LYG2: variants seen among roughly 807,000 people sequenced by gnomAD.
LYG2 encodes the protein lysozyme g2, also known as lysozyme g-like protein 2.
In LYG2, 25 loss-of-function variants were observed where a neutral mutation model predicts 22.4. That is an observed-to-expected ratio of 1.12 (90% CI 0.81 to 1.56). The LOEUF (loss-of-function observed/expected upper bound fraction) is 1.56, where lower values mean the gene tolerates loss of function less well. Ranked by LOEUF, LYG2 falls within the 40% of genes most tolerant of loss-of-function variation. The pLI, the probability that LYG2 is intolerant of heterozygous loss-of-function variation, is 0.00. For missense variants in LYG2, 266 were observed against 269.5 expected (o/e 0.99, Z 0.09); for synonymous variants, 88 against 97.0 (o/e 0.91, Z 0.55).
chr2:99,257,993 C>A (rs2094039419), upstream of LYG2, among the ~76,000 whole-genome samples: 1 of 152,220 alleles, frequency 6.6e-6, no homozygotes, highest in South Asian at 2.1e-4. Context: ...GTGCCCTGAG[C>A]TACCCTAGGT....
intron 5 of LYG2, among the ~76,000 whole-genome samples, chr2:99,244,385 CAAAT>C (rs900710210): frequency 4.6e-5 from 7 of 151,974 alleles, no homozygotes; most frequent in African/African-American, 1.7e-4. Context: ...TGTTTTGAAA[CAAAT>C]AACACCCAAA....
chr2:99,249,906 C>T (rs941389953), intron 3 of LYG2, among the ~76,000 whole-genome samples: 1 of 152,072 alleles, frequency 6.6e-6, no homozygotes, highest in Non-Finnish European at 1.5e-5. Flanking sequence ...AGCCCATCCT[C>T]TACTTAGTAG....
At chr2:99,249,416 T>C (rs1212885926) in intron 3 of LYG2, among the ~76,000 whole-genome samples, 1 of 140,136 alleles carries the variant, frequency 7.1e-6, no homozygotes, top group African/African-American at 2.7e-5. Context: ...CAAGACCCTG[T>C]CTCAAATCTC....
In LYG2 at chr2:99,244,064, A is replaced by G. The variant is rs1436154299; in HGVS notation, c.455T>C (p.Leu152Pro). Residue 152 changes from leucine (L) to proline (P), a missense_variant, in exon 6 of 7, where the codon CTA becomes CCA. Coordinates refer to ENST00000333017, the MANE Select transcript of LYG2 (RefSeq NM_175735.4). ...KEHLSQATGILTERIKAIQKK... is the reference protein window; with the variant it reads ...KEHLSQATGIPTERIKAIQKK... ...CTGGATTGCCTTAATTCTCTCTGTT[A>G]GAATCCCAGTAGCCTGTGAAAGGTG... 1 of 1,614,012 alleles carries G rather than the reference A, an allele frequency of 6.2e-7. No individual in the cohort carries two copies. Among genetic ancestry groups the G allele is most frequent in the African/African-American group, 1.3e-5 (1 of 74,950 alleles).
intron 6 of LYG2, chr2:99,243,503 T>C (rs1337574337): frequency 2.0e-6 from 3 of 1,467,080 alleles, no homozygotes; most frequent in African/African-American, 1.5e-5. Context: ...GATAGATAGA[T>C]AGATAGATAG....
rs749493572 is a variant in LYG2 at position 99,246,784 on chromosome 2, A to C, written c.80T>G (p.Met27Arg). ...CAGGCGTGGATGTAGGTGAGGCTTCATTGAGTGACTGAAGGGGTATGAGCC... is the reference window on the plus strand; with the variant it reads ...CAGGCGTGGATGTAGGTGAGGCTTCCTTGAGTGACTGAAGGGGTATGAGCC... ...SRGSYPFSHS[M>R]KPHLHPRLYH... The change falls in exon 4 of 7, where the codon ATG becomes AGG. Residue 27 changes from methionine (M) to arginine (R), a missense_variant. By Grantham distance (91) the Met-to-Arg change is moderately conservative. Transcript: ENST00000333017. The C allele has an allele frequency of 8.7e-6, 14 of 1,614,102 alleles. No homozygotes were observed. The highest frequency in any genetic ancestry group is 1.2e-5 in the Non-Finnish European group (14 of 1,179,984).
intron 4 of LYG2, among the ~76,000 whole-genome samples, 188 bp downstream of exon 4, chr2:99,246,492 G>A (rs1283291692): frequency 1.3e-5 from 2 of 152,228 alleles, no homozygotes; most frequent in East Asian, 3.8e-4. Flanking sequence ...AGTTTGGAAA[G>A]AATGGGGGTG....
intron 6 of LYG2, among the ~76,000 whole-genome samples, chr2:99,242,975 T>C (rs1278314830): frequency 1.3e-5 from 2 of 152,166 alleles, no homozygotes; most frequent in Non-Finnish European, 2.9e-5. Flanking sequence ...ACCCTAGAAT[T>C]TTATCTCTAG....
rs180911479 is a variant in LYG2, at chr2:99,253,559, C to A, written c.43+659G>T. On this transcript the variant is annotated intron_variant, in intron 3 of 6. Coordinates refer to ENST00000333017, the MANE Select transcript of LYG2 (RefSeq NM_175735.4). ...TTGCTTAGGTCAGAGTTTTCACATT[C>A]TCTTATTCAAGATCCCTTACCAACT... 2.0e-5 allele frequency among the ~76,000 whole-genome samples: 3 copies of A among 152,282 alleles called. No individual in the cohort carries two copies. The East Asian group carries it at 5.8e-4, about 29-fold the overall frequency.
At chr2:99,259,681 A>T (rs991930395), upstream of LYG2, among the ~76,000 whole-genome samples, 40 of 152,340 alleles carry the variant, frequency 2.6e-4, no homozygotes, top group African/African-American at 9.4e-4. Context: ...GTCTTACATA[A>T]CTATAGTACA....
In LYG2 at chr2:99,242,362, GC is replaced by G. The variant is rs1412667321; in HGVS notation, c.*1del. The stretch of plus-strand genomic sequence containing the variant: ...CAACCTGGCCCACCCACAGAGCTTT[GC>G]CTAGAAGCTTTGTCTTTTATAGAAC... On this transcript the variant is annotated 3_prime_UTR_variant, in exon 7 of 7. Coordinates refer to ENST00000333017, the MANE Select transcript of LYG2 (RefSeq NM_175735.4). The G allele has an allele frequency of 2.5e-6, 4 of 1,599,548 alleles. No individual in the cohort carries two copies. The highest frequency in any genetic ancestry group is 3.4e-6 in the Non-Finnish European group (4 of 1,168,238).
At chr2:99,250,656 G>A (rs534661283) in intron 3 of LYG2, among the ~76,000 whole-genome samples, 7 of 152,300 alleles carry the variant, frequency 4.6e-5, no homozygotes, top group South Asian at 2.1e-4. Flanking sequence ...TTACAGGCGT[G>A]AGCCACCACG....
At chr2:99,243,333 G>A in intron 6 of LYG2, 1 of 1,098,912 alleles carries the variant, frequency 9.1e-7, no homozygotes, top group Non-Finnish European at 1.3e-6. Context: ...GGGAGATGCT[G>A]AACTTGAGGG....
intron 2 of LYG2, 119 bp from the exon 3 acceptor site, chr2:99,254,404 G>C (rs2094032326): frequency 4.3e-6 from 3 of 692,168 alleles, no homozygotes; most frequent in Non-Finnish European, 7.3e-6. Flanking sequence ...TCATTTCCCT[G>C]TTTCAAGATA....
At chr2:99,258,302 T>C (rs1477174871), upstream of LYG2, among the ~76,000 whole-genome samples, 3 of 152,220 alleles carry the variant, frequency 2.0e-5, no homozygotes, top group Non-Finnish European at 4.4e-5. Flanking sequence ...AAATTTTATA[T>C]GTAAAAACAT....
At chr2:99,260,252 C>T (rs1289777794), upstream of LYG2, among the ~76,000 whole-genome samples, 2 of 152,092 alleles carry the variant, frequency 1.3e-5, no homozygotes, top group Admixed American at 6.5e-5. Context: ...CATGAGCCAC[C>T]GTGCCCGGCC....
At chr2:99,243,916 C>A (rs2094011051) in intron 6 of LYG2, 83 bp downstream of exon 6, 2 of 1,533,536 alleles carry the variant, frequency 1.3e-6, no homozygotes, top group Non-Finnish European at 1.8e-6. Flanking sequence ...CGTGGAAATG[C>A]TCCCAGGGAG....
intron 3 of LYG2, 122 bp downstream of exon 3, chr2:99,254,096 C>G (rs573440114): frequency 2.3e-6 from 2 of 857,002 alleles, no homozygotes; most frequent in Admixed American, 1.9e-5. Flanking sequence ...AATGGCCAAG[C>G]TGGTCAGAAT....
chr2:99,260,916 CAT>C, the LYG2 span, among the ~76,000 whole-genome samples: 1 of 152,102 alleles, frequency 6.6e-6, no homozygotes, highest in Non-Finnish European at 1.5e-5. Context: ...GAGGTCAAAT[CAT>C]GTGCTGAGAG....
Sources: allele counts gnomAD v4.1 joint callset (sites outside exome capture counted in the v4.1 genomes callset), GRCh38; gene constraint gnomAD v4.1.1; transcripts MANE v1.5; gene names NCBI Gene and HGNC (gene_info 2026-07-23, HGNC 2026-07-21).